WDFY3: variants seen among roughly 807,000 people sequenced by gnomAD.
WDFY3 encodes WD repeat and FYVE domain-containing protein 3.
In WDFY3, 66 loss-of-function variants were observed where a neutral mutation model predicts 409.6. The observed-to-expected ratio is 0.16, with a 90% CI of 0.13 to 0.20. The LOEUF (loss-of-function observed/expected upper bound fraction) is 0.20. WDFY3 is among the 10% of genes least tolerant of loss of function. WDFY3 has a pLI of 1.00. For missense variants in WDFY3, 3,031 were observed against 4,298.1 expected, an observed-to-expected ratio of 0.71 and a Z score of 8.24; for synonymous variants, 1,521 against 1,537.1, an observed-to-expected ratio of 0.99 and a Z score of 0.25.
rs6531775 is a variant in WDFY3, at chr4:84,809,761, T to C, written c.2345+126A>G. On this transcript the variant is annotated intron_variant, in intron 14 of 67. Transcript: ENST00000295888. ...AATATTCAAAAATAAAGTGATACAC[T>C]TCAAACAAATAGGAGAAGAGTCATC... The C allele has an allele frequency of 0.41, 361,738 of 888,070 alleles. 76,253 individuals are homozygous for C. The highest frequency in any genetic ancestry group is 0.55 in the African/African-American group (32,007 of 58,082). 55.0% of individuals were successfully genotyped at this position (888,070 alleles called of 1,614,324 possible). A position where few individuals can be genotyped will look rare whatever the true frequency, so the allele number is the denominator to read the frequency against.
chr4:84,756,586 C>CAAATAAAATAAAATA lies in WDFY3; in HGVS notation c.5424+325_5424+339dup, dbSNP rs143555953. On this transcript the variant is annotated intron_variant, in intron 33 of 67. Transcript: ENST00000295888. ...GGTGACAGAGTAAGACTCTGTCTCA[C>CAAATAAAATAAAATA]AAATAAAATAAAATAAAATAAAATA... is the stretch of plus-strand genomic sequence containing the variant. Among the ~76,000 whole-genome samples, 156 of 129,026 alleles carry CAAATAAAATAAAATA rather than the reference C, an allele frequency of 1.2e-3. 1 individual carries two copies. Among genetic ancestry groups the CAAATAAAATAAAATA allele is most frequent in the South Asian group, 2.6e-3 (10 of 3,884 alleles). 84.6% of individuals were successfully genotyped at this position (129,026 alleles called of 152,430 possible).
chr4:84,741,630 T>A (rs115342944), intron 38 of WDFY3, 131 bp downstream of exon 38: 2 of 1,140,432 alleles, frequency 1.8e-6, no homozygotes, highest in South Asian at 2.0e-5. Flanking sequence ...CTATTCACTT[T>A]TAATAAGCTT....
chr4:84,894,112 A>C (rs928777082), intron 3 of WDFY3, among the ~76,000 whole-genome samples: 3 of 152,244 alleles, frequency 2.0e-5, no homozygotes, highest in African/African-American at 7.2e-5. Flanking sequence ...CCTTATATTC[A>C]AACTAAGGAA....
rs867206179 is a variant in WDFY3 at position 84,880,672 on chromosome 4, T to C, written c.-32+16239A>G. Among the ~76,000 whole-genome samples, 90 of 74,628 alleles carry C rather than the reference T, an allele frequency of 1.2e-3. 2 individuals carry two copies. The highest frequency in any genetic ancestry group is 2.9e-3 in the South Asian group (5 of 1,730). The allele number at this position is 74,628 out of a possible 152,430, so 49.0% of individuals were successfully genotyped here. ...AAAGTGTTTGTCAATAAGGGAACCA[T>C]ACATATATATATATATATATATATA... is the stretch of plus-strand genomic sequence containing the variant. On this transcript the variant is annotated intron_variant, in intron 3 of 67. Coordinates refer to ENST00000295888, the MANE Select transcript of WDFY3 (RefSeq NM_014991.6).
chr4:84,879,666 T>C (rs530021585), intron 3 of WDFY3, among the ~76,000 whole-genome samples: 193 of 150,726 alleles, frequency 1.3e-3, no homozygotes, highest in African/African-American at 4.3e-3. Context: ...CTTCTGTACA[T>C]CAAAATAAAA....
intron 4 of WDFY3, among the ~76,000 whole-genome samples, chr4:84,855,419 A>G (rs1019765135): frequency 4.0e-4 from 61 of 152,340 alleles, no homozygotes; most frequent in Non-Finnish European, 2.4e-4. Context: ...CATTTTTAAT[A>G]TCCACCTAAA....
chr4:84,716,386 C>T (rs1221189332), intron 49 of WDFY3, among the ~76,000 whole-genome samples: 1 of 148,128 alleles, frequency 6.8e-6, no homozygotes, highest in African/African-American at 2.5e-5. Flanking sequence ...ATGCAGTGAG[C>T]CTAGATCGTG....
At chr4:84,893,470 T>C (rs140258618) in intron 3 of WDFY3, among the ~76,000 whole-genome samples, 16 of 152,238 alleles carry the variant, frequency 1.1e-4, no homozygotes, top group African/African-American at 3.4e-4. Context: ...ATTCTTTTTG[T>C]TATGTTCAGT....
chr4:84,759,746 G>C (rs554637722), intron 32 of WDFY3, among the ~76,000 whole-genome samples: 1 of 151,468 alleles, frequency 6.6e-6, no homozygotes, highest in Non-Finnish European at 1.5e-5. Context: ...CATGTCGTCT[G>C]CAAACAGGGA....
At position 84,966,291 on chromosome 4, in the gene WDFY3, G is replaced by C. The variant is rs1345610665; in HGVS notation, c.-308C>G. On this transcript the variant is annotated 5_prime_UTR_variant, in exon 1 of 68. Coordinates refer to ENST00000295888, the MANE Select transcript of WDFY3 (RefSeq NM_014991.6). ...CCGGGGCTCCGCGCCGAGGGCGCAC[G>C]GGCTACGGGGAAGGGGCGACCGGCG... 6.7e-6 allele frequency: 1 copy of C among 149,538 alleles called. No homozygotes were observed. The highest frequency in any genetic ancestry group is 1.5e-5 in the Non-Finnish European group (1 of 67,136). The allele number at this position is 149,538 out of a possible 1,614,324, so 9.3% of individuals were successfully genotyped here.
intron 2 of WDFY3, among the ~76,000 whole-genome samples, chr4:84,904,817 C>T (rs1478963848): frequency 2.6e-5 from 4 of 152,208 alleles, no homozygotes; most frequent in Admixed American, 2.6e-4. Flanking sequence ...TGCCACTTGA[C>T]GTCTCCATTT....
chr4:84,761,961 C>T (rs1359183365), intron 32 of WDFY3, among the ~76,000 whole-genome samples: 1 of 152,064 alleles, frequency 6.6e-6, no homozygotes, highest in Non-Finnish European at 1.5e-5. Context: ...AGTCAGGAAA[C>T]AACAGGTGCT....
intron 10 of WDFY3, among the ~76,000 whole-genome samples, chr4:84,826,371 G>T (rs372123479): frequency 6.6e-6 from 1 of 152,114 alleles, no homozygotes; most frequent in African/African-American, 2.4e-5. Flanking sequence ...TTATATCAGG[G>T]ACTTGAGTAT....
intron 25 of WDFY3, among the ~76,000 whole-genome samples, chr4:84,780,766 A>AAAAT (rs370562593): frequency 0.04 from 6,038 of 151,312 alleles, 351 homozygotes; most frequent in African/African-American, 0.14. Flanking sequence ...TCCCTCTCAA[A>AAAAT]AAATAAATAA....
intron 5 of WDFY3, among the ~76,000 whole-genome samples, chr4:84,848,280 GA>G (rs907445854): frequency 1.2e-4 from 18 of 150,166 alleles, no homozygotes; most frequent in Non-Finnish European, 2.4e-4. Flanking sequence ...GGTCACAGAG[GA>G]AAAAAAAATC....
intron 56 of WDFY3, among the ~76,000 whole-genome samples, chr4:84,700,272 A>G (rs151315292): frequency 1.5e-3 from 228 of 152,256 alleles, no homozygotes; most frequent in African/African-American, 5.0e-3. Context: ...TGGCACGAAC[A>G]CGGCTCACTG....
chr4:84,944,153 G>A lies in WDFY3; in HGVS notation c.-225-11790C>T, dbSNP rs746410675. On this transcript the variant is annotated intron_variant, in intron 1 of 67. Coordinates refer to ENST00000295888, the MANE Select transcript of WDFY3 (RefSeq NM_014991.6). ...ACAATAAGACTCTAAATATCTTTTC[G>A]CTGACTGAATAAATAGCTTTATATA... Among the ~76,000 whole-genome samples, 146 of 152,116 alleles carry A rather than the reference G, an allele frequency of 9.6e-4. 4 individuals are homozygous for A. Among genetic ancestry groups the A allele is most frequent in the Admixed American group, 9.0e-3 (137 of 15,274 alleles).
intron 3 of WDFY3, among the ~76,000 whole-genome samples, chr4:84,868,346 A>G (rs1560963937): frequency 6.6e-6 from 1 of 152,056 alleles, no homozygotes; most frequent in Non-Finnish European, 1.5e-5. Context: ...ATCCCAACAA[A>G]CTGGGTATAT....
intron 36 of WDFY3, among the ~76,000 whole-genome samples, chr4:84,746,852 G>T (rs1037756149): frequency 7.2e-6 from 1 of 138,010 alleles, no homozygotes; most frequent in Non-Finnish European, 1.6e-5. Flanking sequence ...AATAATTGAG[G>T]CTTAGAGAGA....
Sources: gnomAD v4.1 joint callset for allele counts (sites outside exome capture counted in the v4.1 genomes callset) on GRCh38, gnomAD v4.1.1 for gene constraint, MANE v1.5 for transcripts, NCBI Gene and HGNC (gene_info 2026-07-23, HGNC 2026-07-21) for gene names.